LRRC56: variants seen among roughly 807,000 people sequenced by gnomAD.
LRRC56 encodes the protein leucine rich repeat containing 56, also known as leucine-rich repeat-containing protein 56.
In LRRC56, 41 loss-of-function variants were observed where a neutral mutation model predicts 47.8. The observed-to-expected ratio is 0.86, with a 90% CI of 0.67 to 1.11. The LOEUF is 1.11. LRRC56 is among the 50% of genes most tolerant of loss of function. The pLI, the probability that LRRC56 is intolerant of heterozygous loss-of-function variation, is 0.00. For synonymous variants in LRRC56, 387 were observed against 311.2 expected (o/e 1.24, Z -2.56); for missense variants, 759 against 704.2 (o/e 1.08, Z -0.88).
At chr11:548,709 C>T (rs1002775494) in intron 6 of LRRC56, among the ~76,000 whole-genome samples, 3 of 152,332 alleles carry the variant, frequency 2.0e-5, no homozygotes, top group East Asian at 3.9e-4. Context: ...CTGCCTGCCT[C>T]GGCCTCCCAA....
At chr11:520,550 C>G in the LRRC56 span, among the ~76,000 whole-genome samples, 1 of 152,206 alleles carries the variant, frequency 6.6e-6, no homozygotes, top group Non-Finnish European at 1.5e-5. Context: ...AACTCCTGGC[C>G]TCAAATGATC....
chr11:515,922 G>A, the LRRC56 span, among the ~76,000 whole-genome samples: 1,601 of 152,228 alleles, frequency 0.011, 22 homozygotes, highest in African/African-American at 0.018. Context: ...GTGTAGCCCC[G>A]TCATTCTAGT....
At position 551,696 on chromosome 11, in the gene LRRC56, C is replaced by T. The variant is rs1407027234; in HGVS notation, c.842C>T (p.Ser281Phe). The part of the protein sequence containing the change: ...APIRRLDPEL[S>F]LPETQSRASR... ...ATCCGGAGACTTGACCCCGAGCTGT[C>T]CCTGCCTGAGACGCAGTCCCGGGCC... Residue 281 changes from serine to phenylalanine, a missense_variant, in exon 10 of 14, where the codon TCC (serine) becomes TTC (phenylalanine). Physicochemically the swap from Ser to Phe is radical, Grantham distance 155 (BLOSUM62 -2). Transcript: ENST00000270115. 1 of 1,609,848 alleles carries T rather than the reference C, an allele frequency of 6.2e-7. No individual in the cohort carries two copies.
At chr11:525,094 C>CAA in the LRRC56 span, among the ~76,000 whole-genome samples, 525 of 125,322 alleles carry the variant, frequency 4.2e-3, 3 homozygotes, top group African/African-American at 0.014. Flanking sequence ...GACTCCGTCT[C>CAA]AAAAAAAAAA....
At chr11:519,239 G>A in the LRRC56 span, among the ~76,000 whole-genome samples, 2 of 151,648 alleles carry the variant, frequency 1.3e-5, no homozygotes, top group South Asian at 4.1e-4. Flanking sequence ...CTAAAGGAAC[G>A]TGGCCTGATA....
chr11:522,196 A>C, the LRRC56 span, among the ~76,000 whole-genome samples: 1 of 151,852 alleles, frequency 6.6e-6, no homozygotes, highest in South Asian at 2.1e-4. Context: ...TTCTCACTTT[A>C]TCCTCCAGAG....
the LRRC56 span, among the ~76,000 whole-genome samples, chr11:521,847 A>G: frequency 6.6e-5 from 10 of 151,768 alleles, no homozygotes; most frequent in East Asian, 1.8e-3. Flanking sequence ...CCTGGGAGGC[A>G]GAGGTTGCAG....
chr11:535,171 C>T (rs1239524420), upstream of LRRC56: 1 of 152,030 alleles, frequency 6.6e-6, no homozygotes, highest in African/African-American at 2.4e-5. Context: ...CCGTGCCCAG[C>T]GCGAGGCCAC....
At chr11:534,441 G>C, upstream of LRRC56, 1 of 801,406 alleles carries the variant, frequency 1.2e-6, no homozygotes. Flanking sequence ...GCAGCTGCTG[G>C]CAGGGCCATC....
intron 5 of LRRC56, among the ~76,000 whole-genome samples, chr11:543,125 CAA>C (rs1851885823): frequency 6.7e-6 from 1 of 149,612 alleles, no homozygotes; most frequent in African/African-American, 2.4e-5. Flanking sequence ...CTCCTGACCT[CAA>C]GTGATCCACC....
At position 554,205 on chromosome 11, in the gene LRRC56, C is replaced by A; in HGVS notation, c.1558C>A (p.Pro520Thr). Reference sequence around the variant, plus strand: ...AGCCCAGGGATGTCCTGGCCCAAAGCCAGCACCAGATGCAGCAGCTAGACC... The same window carrying A: ...AGCCCAGGGATGTCCTGGCCCAAAGACAGCACCAGATGCAGCAGCTAGACC... ...PRAQGCPGPK[P>T]APDAAARPPR... Residue 520 changes from proline (P) to threonine (T), a missense_variant, in exon 14 of 14, where the codon CCA becomes ACA. Coordinates refer to ENST00000270115, the MANE Select transcript of LRRC56 (RefSeq NM_198075.4). 6.5e-7 allele frequency: 1 copy of A among 1,548,554 alleles called. No homozygotes were observed. Among genetic ancestry groups the A allele is most frequent in the Non-Finnish European group, 8.7e-7 (1 of 1,148,760 alleles).
At chr11:511,252 C>T in the LRRC56 span, among the ~76,000 whole-genome samples, 2 of 146,366 alleles carry the variant, frequency 1.4e-5, no homozygotes, top group African/African-American at 2.5e-5. Context: ...ACCCGGGAGG[C>T]GGAGCTTGCA....
the LRRC56 span, among the ~76,000 whole-genome samples, chr11:525,397 G>A: frequency 6.6e-6 from 1 of 151,998 alleles, no homozygotes; most frequent in African/African-American, 2.4e-5. Context: ...AAATTAGCCG[G>A]CCGTGGTGGC....
At chr11:542,749 C>T (rs1455295370) in intron 5 of LRRC56, among the ~76,000 whole-genome samples, 2 of 152,238 alleles carry the variant, frequency 1.3e-5, no homozygotes, top group South Asian at 2.1e-4. Flanking sequence ...TGCAACACCC[C>T]TTTATCTACT....
chr11:549,991 C>T lies in LRRC56; in HGVS notation c.416C>T (p.Ala139Val). 6.2e-7 allele frequency: 1 copy of T among 1,612,574 alleles called. No homozygotes were observed. Among genetic ancestry groups the T allele is most frequent in the Middle Eastern group, 1.7e-4 (1 of 6,060 alleles). ...ADLDGIASLP[A>V]LKELYASYNN... ...CTGGATGGCATCGCCTCTTTGCCAG[C>T]ACTTAAGGTGAGTCTGGGCACCCTG... Residue 139 changes from alanine to valine, a missense_variant, in exon 7 of 14, where the codon GCA becomes GTA. By Grantham distance (64) the Ala-to-Val change is moderately conservative. Coordinates refer to ENST00000270115, the MANE Select transcript of LRRC56 (RefSeq NM_198075.4).
intron 6 of LRRC56, among the ~76,000 whole-genome samples, chr11:548,485 G>T (rs61877799): frequency 0.1 from 14,425 of 139,416 alleles, 942 homozygotes; most frequent in Admixed American, 0.19. Context: ...GGAGACGGAG[G>T]CTCGCTCTGT....
the LRRC56 span, among the ~76,000 whole-genome samples, chr11:507,929 G>A: frequency 6.6e-6 from 1 of 152,256 alleles, no homozygotes; most frequent in Non-Finnish European, 1.5e-5. Flanking sequence ...CCACTCTGCT[G>A]CCGACACCCG....
upstream of LRRC56, among the ~76,000 whole-genome samples, chr11:534,991 G>A (rs1851376491): frequency 6.6e-6 from 1 of 152,202 alleles, no homozygotes; most frequent in South Asian, 2.1e-4. Flanking sequence ...AGCGGCGCGG[G>A]AGACCCGGAG....
At position 541,455 on chromosome 11, in the gene LRRC56, CA is replaced by C; in HGVS notation, c.178-81del. ...TCGGTGCCTGCTCCAGCGGGAGCCC[CA>C]GAGTCCTGTAGCCAGAAGCAAGGAT... On this transcript the variant is annotated intron_variant, in intron 4 of 13. Coordinates refer to ENST00000270115, the MANE Select transcript of LRRC56 (RefSeq NM_198075.4). The surrounding 1 kb of genome is among the most constrained non-coding windows in gnomAD (Gnocchi z 4.1). 1.3e-6 allele frequency: 1 copy of C among 788,104 alleles called. No homozygotes were observed. The highest frequency in any genetic ancestry group is 1.9e-6 in the Non-Finnish European group (1 of 513,336). 48.8% of individuals were successfully genotyped at this position (788,104 alleles called of 1,614,324 possible).
Sources: allele counts gnomAD v4.1 joint callset (sites outside exome capture counted in the v4.1 genomes callset), GRCh38; gene constraint gnomAD v4.1.1; non-coding constraint Gnocchi (gnomAD v3.1); transcripts MANE v1.5; gene names NCBI Gene and HGNC (gene_info 2026-07-23, HGNC 2026-07-21).